TNFSF4: variants seen among roughly 807,000 people sequenced by gnomAD.
TNFSF4 encodes the protein TNF superfamily member 4, also known as tumor necrosis factor ligand superfamily member 4.
TNFSF4 carries 4 observed loss-of-function variants against 7.3 expected under a neutral mutation model. The observed-to-expected ratio is 0.55, with a 90% CI of 0.27 to 1.25. TNFSF4 has a LOEUF of 1.25. Ranked by LOEUF, TNFSF4 falls within the 50% of genes most tolerant of loss-of-function variation. The pLI is 0.12. For missense variants in TNFSF4, 181 were observed against 208.8 expected, an observed-to-expected ratio of 0.87 and a Z score of 0.82; for synonymous variants, 76 against 83.7, an observed-to-expected ratio of 0.91 and a Z score of 0.50.
the TNFSF4 span, among the ~76,000 whole-genome samples, chr1:173,365,043 C>T: frequency 1.3e-5 from 2 of 150,798 alleles, no homozygotes; most frequent in African/African-American, 2.4e-5. Context: ...GCTATGATGG[C>T]GCTGCTGCAC....
the TNFSF4 span, among the ~76,000 whole-genome samples, chr1:173,285,585 T>C: frequency 6.6e-6 from 1 of 152,148 alleles, no homozygotes; most frequent in East Asian, 1.9e-4. Flanking sequence ...TGTCTTATTT[T>C]AAGAAATTGC....
the TNFSF4 span, among the ~76,000 whole-genome samples, chr1:173,414,576 G>A: frequency 6.6e-6 from 1 of 152,166 alleles, no homozygotes; most frequent in African/African-American, 2.4e-5. Context: ...TCTGCTTATG[G>A]TTTTCAGTCT....
rs977751503 is a variant in TNFSF4, at chr1:173,185,564, C to T, written c.*952G>A. ...GAAACCAGCAATGTTTCTGTGTGTACAAGACATGGAGCTGAGTGCGTATCT... is the reference window on the plus strand; with the variant it reads ...GAAACCAGCAATGTTTCTGTGTGTATAAGACATGGAGCTGAGTGCGTATCT... On this transcript the variant is annotated 3_prime_UTR_variant, in exon 3 of 3. Transcript: ENST00000281834. The T allele has an allele frequency of 6.6e-6, 1 of 152,176 alleles. No homozygotes were observed. Among genetic ancestry groups the T allele is most frequent in the Admixed American group, 6.5e-5 (1 of 15,280 alleles). 9.4% of individuals were successfully genotyped at this position (152,176 alleles called of 1,614,324 possible).
the TNFSF4 span, among the ~76,000 whole-genome samples, chr1:173,240,543 G>A: frequency 6.6e-6 from 1 of 152,040 alleles, no homozygotes; most frequent in Non-Finnish European, 1.5e-5. Context: ...ATTTTTAACT[G>A]ATACTGAGAA....
chr1:173,387,715 T>C, the TNFSF4 span, among the ~76,000 whole-genome samples: 4 of 152,348 alleles, frequency 2.6e-5, no homozygotes, highest in East Asian at 3.9e-4. Flanking sequence ...ATCAGGTTTT[T>C]AGAGCTGAGA....
At chr1:173,445,615 TTC>T in the TNFSF4 span, among the ~76,000 whole-genome samples, 3 of 152,150 alleles carry the variant, frequency 2.0e-5, no homozygotes, top group African/African-American at 4.8e-5. Context: ...TAGGTAAATT[TTC>T]TCTCTCTTTT....
the TNFSF4 span, among the ~76,000 whole-genome samples, chr1:173,295,949 G>C: frequency 6.6e-6 from 1 of 151,886 alleles, no homozygotes; most frequent in Non-Finnish European, 1.5e-5. Flanking sequence ...ACTAGCTCCT[G>C]TTCAGACATG....
chr1:173,342,614 T>C, the TNFSF4 span, among the ~76,000 whole-genome samples: 4 of 152,214 alleles, frequency 2.6e-5, no homozygotes, highest in African/African-American at 9.6e-5. Context: ...CTGCCTGTCC[T>C]AATCCCGTCA....
At chr1:173,324,533 T>C in the TNFSF4 span, among the ~76,000 whole-genome samples, 1 of 152,150 alleles carries the variant, frequency 6.6e-6, no homozygotes, top group African/African-American at 2.4e-5. Context: ...TAAATGTAAA[T>C]GGACTAAATG....
chr1:173,315,374 A>G, the TNFSF4 span, among the ~76,000 whole-genome samples: 2 of 152,188 alleles, frequency 1.3e-5, no homozygotes, highest in Non-Finnish European at 2.9e-5. Flanking sequence ...TCCTTATAGG[A>G]TAAAAGTCTG....
At chr1:173,201,131 G>C (rs557841405) in intron 1 of TNFSF4, among the ~76,000 whole-genome samples, 55 of 152,276 alleles carry the variant, frequency 3.6e-4, no homozygotes, top group African/African-American at 1.2e-3. Context: ...ATCAAAATAA[G>C]AAGAAACGGA....
the TNFSF4 span, among the ~76,000 whole-genome samples, chr1:173,373,028 A>G: frequency 6.6e-6 from 1 of 152,238 alleles, no homozygotes; most frequent in African/African-American, 2.4e-5. Context: ...AGTTAGCAGA[A>G]CTAGTGGCAC....
chr1:173,352,197 A>G, the TNFSF4 span, among the ~76,000 whole-genome samples: 1 of 152,180 alleles, frequency 6.6e-6, no homozygotes, highest in Non-Finnish European at 1.5e-5. Context: ...CAGCCCTGCC[A>G]GTGCTCAGGC....
At chr1:173,409,272 A>T in the TNFSF4 span, among the ~76,000 whole-genome samples, 1 of 152,180 alleles carries the variant, frequency 6.6e-6, no homozygotes, top group East Asian at 1.9e-4. Context: ...AGGCACAACA[A>T]CCAAATGCAG....
rs967025844 is a variant in TNFSF4, at chr1:173,184,813, G to A, written c.*1703C>T. The stretch of plus-strand genomic sequence containing the variant: ...CTTGTAAATGTAAGTATTTAGCCCA[G>A]TGCCTGGTCCACAGTAGGCCCTCCA... On this transcript the variant is annotated 3_prime_UTR_variant, in exon 3 of 3. Transcript: ENST00000281834. The A allele has an allele frequency of 6.6e-6, 1 of 152,162 alleles. No homozygotes were observed. Among genetic ancestry groups the A allele is most frequent in the Non-Finnish European group, 1.5e-5 (1 of 68,030 alleles). The allele number at this position is 152,162 out of a possible 1,614,324, so 9.4% of individuals were successfully genotyped here.
At chr1:173,380,795 G>A in the TNFSF4 span, among the ~76,000 whole-genome samples, 1 of 152,104 alleles carries the variant, frequency 6.6e-6, no homozygotes, top group African/African-American at 2.4e-5. Flanking sequence ...ACCTTGGCAA[G>A]TACTCTAGGA....
intron 1 of TNFSF4, among the ~76,000 whole-genome samples, chr1:173,200,727 C>T (rs956454469): frequency 1.3e-5 from 2 of 152,190 alleles, no homozygotes; most frequent in African/African-American, 4.8e-5. Flanking sequence ...GAAGGTCTGG[C>T]TGCCGCTGGG....
At chr1:173,384,906 C>T in the TNFSF4 span, among the ~76,000 whole-genome samples, 2 of 152,120 alleles carry the variant, frequency 1.3e-5, no homozygotes, top group Non-Finnish European at 2.9e-5. Flanking sequence ...TGCCTTATAT[C>T]CCAATTCATA....
the TNFSF4 span, among the ~76,000 whole-genome samples, chr1:173,396,071 C>T: frequency 2.0e-5 from 3 of 152,176 alleles, no homozygotes; most frequent in South Asian, 4.1e-4. Flanking sequence ...TGCTTCTATA[C>T]CTATAACTAC....
Sources: gnomAD v4.1 joint callset for allele counts (sites outside exome capture counted in the v4.1 genomes callset) on GRCh38, gnomAD v4.1.1 for gene constraint, MANE v1.5 for transcripts, NCBI Gene and HGNC (gene_info 2026-07-23, HGNC 2026-07-21) for gene names.